ELFN2: variants seen among roughly 807,000 people sequenced by gnomAD.
ELFN2 encodes the protein extracellular leucine rich repeat and fibronectin type III domain containing 2.
A neutral mutation model predicts 45.5 loss-of-function variants in ELFN2; 17 were observed. The ratio of observed to expected loss-of-function variants is 0.37; its 90% CI spans 0.26 to 0.56. The LOEUF (loss-of-function observed/expected upper bound fraction) is 0.56, where lower values mean the gene tolerates loss of function less well. Among genes scored for constraint, ELFN2 ranks in the 20% least tolerant of loss-of-function variants. ELFN2 has a pLI of 0.77. For missense variants in ELFN2, 922 were observed against 1,183.2 expected, an observed-to-expected ratio of 0.78 and a Z score of 3.24; for synonymous variants, 550 against 551.5, an observed-to-expected ratio of 1.00 and a Z score of 0.04.
chr22:37,354,990 C>G (rs1016908245), intron 1 of ELFN2, among the ~76,000 whole-genome samples: 3 of 152,180 alleles, frequency 2.0e-5, no homozygotes, highest in African/African-American at 7.2e-5. Flanking sequence ...TTTCCTTAAC[C>G]TGGCAACCTA....
At chr22:37,390,466 C>T (rs1287838013) in intron 2 of ELFN2, among the ~76,000 whole-genome samples, 1 of 152,184 alleles carries the variant, frequency 6.6e-6, no homozygotes, top group Non-Finnish European at 1.5e-5. Context: ...CCCAGGCTGG[C>T]AAAGATTCTG....
rs1444049022 is a variant in ELFN2, at chr22:37,374,839, G to A, written c.696C>T (p.Tyr232=). The change falls in exon 3 of 3, where the codon TAC becomes TAT. Residue 232 remains tyrosine (Y), a synonymous_variant. Transcript: ENST00000402918. ...AGYPLLVPRP[Y]HSLNAITVLQ... ...GTACGGTGATGGCGTTGAGGCTGTG[G>A]TAGGGCCGGGGCACCAGCAGCGGGT... 6.2e-7 allele frequency: 1 copy of A among 1,607,494 alleles called. No individual in the cohort carries two copies.
intron 1 of ELFN2, among the ~76,000 whole-genome samples, chr22:37,360,189 G>C (rs1601737272): frequency 6.6e-6 from 1 of 152,294 alleles, no homozygotes; most frequent in East Asian, 1.9e-4. Flanking sequence ...CTGGTGGTCA[G>C]TCCAGCCCTA....
intron 2 of ELFN2, among the ~76,000 whole-genome samples, chr22:37,412,720 A>AG (rs1254222626): frequency 1.3e-5 from 2 of 152,216 alleles, no homozygotes; most frequent in Non-Finnish European, 2.9e-5. Flanking sequence ...GCACAAGGCC[A>AG]GATCTATTCC....
At chr22:37,379,427 TG>T (rs1269815298) in intron 2 of ELFN2, among the ~76,000 whole-genome samples, 2 of 152,082 alleles carry the variant, frequency 1.3e-5, no homozygotes, top group Admixed American at 6.5e-5. Flanking sequence ...AAGCAGGCAT[TG>T]GGGGGTGGCA....
At chr22:37,398,874 T>C (rs1306705994) in intron 2 of ELFN2, among the ~76,000 whole-genome samples, 1 of 151,972 alleles carries the variant, frequency 6.6e-6, no homozygotes, top group Non-Finnish European at 1.5e-5. Flanking sequence ...CTTACCCACC[T>C]TCCCACCTCC....
chr22:37,417,003 G>A lies in ELFN2; in HGVS notation c.-463+766C>T, dbSNP rs1030932285. Among the ~76,000 whole-genome samples, 2 of 151,976 alleles carry A rather than the reference G, an allele frequency of 1.3e-5. No individual in the cohort carries two copies. The highest frequency in any genetic ancestry group is 3.4e-3 in the Middle Eastern group (1 of 292). On this transcript the variant is annotated intron_variant, in intron 2 of 2. Transcript: ENST00000402918. This position sits in a 1 kb window ranked among gnomAD's most constrained non-coding sequence, Gnocchi z 4.5. ...TTTCTCTGTCTCCTCCTCTCTCCAC[G>A]GAGACCACAATGCCACAGAGGCGGC...
At chr22:37,413,588 C>A (rs1932706665) in intron 2 of ELFN2, among the ~76,000 whole-genome samples, 1 of 151,322 alleles carries the variant, frequency 6.6e-6, no homozygotes, top group Non-Finnish European at 1.5e-5. Flanking sequence ...AAAAAAAGAT[C>A]CCACAGCCCA....
At position 37,373,819 on chromosome 22, in the gene ELFN2, G is replaced by C; in HGVS notation, c.1716C>G (p.Pro572=). 6.2e-7 allele frequency: 1 copy of C among 1,612,650 alleles called. No homozygotes were observed. Among genetic ancestry groups the C allele is most frequent in the Non-Finnish European group, 8.5e-7 (1 of 1,179,842 alleles). ...GGGACTGGCACTCGAAGGCCAGCTC[G>C]GGGTCCCCACTGCTGCTGCCGCCTC... ...FLGGGSSSGD[P]ELAFECQSLP... The change falls in exon 3 of 3, where the codon CCC becomes CCG. Residue 572 remains proline, a synonymous_variant. Transcript: ENST00000402918.
intron 1 of ELFN2, chr22:37,426,933 C>T (rs1932856278): frequency 6.6e-6 from 1 of 152,214 alleles, no homozygotes; most frequent in African/African-American, 2.4e-5. Flanking sequence ...TTAGGGCCCC[C>T]GATTCGAAAA....
chr22:37,360,652 C>T (rs536971060), intron 1 of ELFN2, among the ~76,000 whole-genome samples: 1 of 152,294 alleles, frequency 6.6e-6, no homozygotes, highest in South Asian at 2.1e-4. Flanking sequence ...AACAGGGAGT[C>T]AGTGGGGAGA....
At chr22:37,419,543 C>T (rs1932793373) in intron 1 of ELFN2, among the ~76,000 whole-genome samples, 1 of 152,018 alleles carries the variant, frequency 6.6e-6, no homozygotes, top group Non-Finnish European at 1.5e-5. Flanking sequence ...ACGCTGGTGC[C>T]AAAATGCATG....
intron 1 of ELFN2, among the ~76,000 whole-genome samples, chr22:37,418,504 G>GTCTCCCCAGTC (rs1281351416): frequency 6.6e-6 from 1 of 151,838 alleles, no homozygotes; most frequent in African/African-American, 2.4e-5. Flanking sequence ...GCCTGGAGGT[G>GTCTCCCCAGTC]TCTCCCCAGT....
At chr22:37,426,608 C>A (rs1569146893) in intron 1 of ELFN2, among the ~76,000 whole-genome samples, 1 of 146,402 alleles carries the variant, frequency 6.8e-6, no homozygotes, top group Non-Finnish European at 1.5e-5. Context: ...CCCACACACG[C>A]ACGCACACAC....
chr22:37,359,461 T>C (rs1434412433), intron 1 of ELFN2, among the ~76,000 whole-genome samples: 1 of 152,226 alleles, frequency 6.6e-6, no homozygotes, highest in East Asian at 1.9e-4. Flanking sequence ...GGGGTCTATT[T>C]CTTTTGACCA....
intron 2 of ELFN2, among the ~76,000 whole-genome samples, chr22:37,395,308 A>G (rs1932187240): frequency 1.3e-5 from 2 of 152,100 alleles, no homozygotes; most frequent in Non-Finnish European, 2.9e-5. Flanking sequence ...GTAGTCAAGG[A>G]GCATCAATCG....
At chr22:37,382,905 C>T (rs1931828929) in intron 2 of ELFN2, among the ~76,000 whole-genome samples, 1 of 152,152 alleles carries the variant, frequency 6.6e-6, no homozygotes, top group Admixed American at 6.5e-5. Flanking sequence ...TATTACAAAG[C>T]CAAGTCTGGT....
At chr22:37,422,322 C>G (rs187128057) in intron 1 of ELFN2, among the ~76,000 whole-genome samples, 4 of 152,134 alleles carry the variant, frequency 2.6e-5, no homozygotes, top group Admixed American at 2.6e-4. Context: ...TACACGTGGT[C>G]TTCTCTTACC....
In ELFN2 at chr22:37,374,893, C is replaced by T. The variant is rs1931527567; in HGVS notation, c.642G>A (p.Gln214=). The T allele has an allele frequency of 3.1e-6, 5 of 1,611,800 alleles. No homozygotes were observed. The East Asian group carries it at 8.9e-5, about 29-fold the overall frequency. The change falls in exon 3 of 3, where the codon CAG becomes CAA. Residue 214 remains glutamine, a synonymous_variant. Coordinates refer to ENST00000402918, the MANE Select transcript of ELFN2 (RefSeq NM_052906.5). Reference sequence around the variant, plus strand: ...CGGCAAACTCCCGCGGCGACTCACACTGCAGGCGGTCGTAGTTCTTGGTGA... The same window carrying T: ...CGGCAAACTCCCGCGGCGACTCACATTGCAGGCGGTCGTAGTTCTTGGTGA... ...NNVTKNYDRL[Q]CESPREFAGY...
Sources: gnomAD v4.1 joint callset for allele counts (sites outside exome capture counted in the v4.1 genomes callset) on GRCh38, gnomAD v4.1.1 for gene constraint, Gnocchi (gnomAD v3.1) non-coding constraint, MANE v1.5 for transcripts, NCBI Gene and HGNC (gene_info 2026-07-23, HGNC 2026-07-21) for gene names.